The following THRB variants were observed in gnomAD, a reference collection of about 807,000 sequenced individuals.
The protein encoded by THRB is thyroid hormone receptor beta.
THRB carries 12 observed loss-of-function variants against 47.8 expected under a neutral mutation model. That is an observed-to-expected ratio of 0.25 (90% CI 0.16 to 0.41). THRB has a LOEUF of 0.41. Ranked by LOEUF, THRB falls within the 10% of genes least tolerant of loss-of-function variation. The pLI is 1.00. For synonymous variants in THRB, 218 were observed against 212.2 expected, an observed-to-expected ratio of 1.03 and a Z score of -0.24; for missense variants, 348 against 589.2, an observed-to-expected ratio of 0.59 and a Z score of 4.24.
At chr3:24,315,539 T>C (rs934469922) in intron 2 of THRB, among the ~76,000 whole-genome samples, 1 of 152,214 alleles carries the variant, frequency 6.6e-6, no homozygotes. Context: ...GGCTGCTCTC[T>C]CTGGCTCAGG....
intron 1 of THRB, among the ~76,000 whole-genome samples, chr3:24,454,532 G>A (rs2072983089): frequency 6.6e-6 from 1 of 152,178 alleles, no homozygotes; most frequent in Non-Finnish European, 1.5e-5. Context: ...CAATAAAGCT[G>A]TTTAAAAATA....
rs374684853 is a variant in THRB at position 24,315,006 on chromosome 3, C to T, written c.-188-17635G>A. On this transcript the variant is annotated intron_variant, in intron 2 of 10. Coordinates refer to ENST00000646209, the MANE Select transcript of THRB (RefSeq NM_001354712.2). ...CCCTCCTTCCTCTCCCTGCCCCCGA[C>T]GGAAAAGCTTGAAATTTAGGAATTA... 1.3e-4 allele frequency among the ~76,000 whole-genome samples: 20 copies of T among 152,254 alleles called. No homozygotes were observed. In the South Asian group the frequency reaches 1.9e-3, roughly 14 times the overall value.
intron 1 of THRB, among the ~76,000 whole-genome samples, chr3:24,444,442 T>C (rs2071861488): frequency 6.6e-6 from 1 of 152,138 alleles, no homozygotes; most frequent in Admixed American, 6.5e-5. Context: ...TACCTAGGAA[T>C]AACCTTAAAA....
intron 1 of THRB, among the ~76,000 whole-genome samples, chr3:24,455,769 C>T (rs543359584): frequency 6.6e-6 from 1 of 152,130 alleles, no homozygotes; most frequent in East Asian, 1.9e-4. Context: ...TATTATAAGA[C>T]TCAATGACAT....
At chr3:24,231,096 TTGGATG>T (rs2048215671) in intron 3 of THRB, among the ~76,000 whole-genome samples, 1 of 152,192 alleles carries the variant, frequency 6.6e-6, no homozygotes, top group Non-Finnish European at 1.5e-5. Context: ...CAGCCCTTCC[TTGGATG>T]CCCTCAGTAA....
At chr3:24,166,303 T>C (rs1169634553) in intron 5 of THRB, among the ~76,000 whole-genome samples, 3 of 152,224 alleles carry the variant, frequency 2.0e-5, no homozygotes, top group Non-Finnish European at 2.9e-5. Flanking sequence ...ACCCCTATTA[T>C]ATAGCAGCTT....
chr3:24,262,570 T>C (rs1408725033), intron 3 of THRB, among the ~76,000 whole-genome samples: 1 of 152,174 alleles, frequency 6.6e-6, no homozygotes, highest in Non-Finnish European at 1.5e-5. Flanking sequence ...ATATCAAGGG[T>C]TGCTCTCACC....
rs182542523 is a variant in THRB, at chr3:24,468,390, T to A, written c.-261+26262A>T. On this transcript the variant is annotated intron_variant, in intron 1 of 10. Transcript: ENST00000646209. ...TCCTTTGCATGTACAATTTGGCTGT[T>A]TGGCACAGGAGGCCTAGCTTTTGAC... Among the ~76,000 whole-genome samples the A allele has an allele frequency of 3.5e-3, 530 of 152,368 alleles. 9 individuals are homozygous for A. Among genetic ancestry groups the A allele is most frequent in the Non-Finnish European group, 5.9e-4 (40 of 68,034 alleles).
intron 1 of THRB, among the ~76,000 whole-genome samples, chr3:24,340,400 TTCTCTCTC>T (rs145048631): frequency 6.7e-6 from 1 of 148,594 alleles, no homozygotes. Context: ...CCACCTTCTT[TTCTCTCTC>T]TCTCTCTCTC....
At chr3:24,267,377 A>AC (rs2052768827) in intron 3 of THRB, among the ~76,000 whole-genome samples, 1 of 152,114 alleles carries the variant, frequency 6.6e-6, no homozygotes, top group African/African-American at 2.4e-5. Flanking sequence ...CCTGAAAAAA[A>AC]AAAAAGACTT....
chr3:24,327,204 G>A (rs1177618533), intron 2 of THRB, among the ~76,000 whole-genome samples: 1 of 152,166 alleles, frequency 6.6e-6, no homozygotes, highest in East Asian at 1.9e-4. Context: ...TTTTGTGAGA[G>A]AGATGAACAT....
At chr3:24,399,130 T>C in intron 1 of THRB, among the ~76,000 whole-genome samples, 2 of 151,146 alleles carry the variant, frequency 1.3e-5, no homozygotes, top group Non-Finnish European at 2.9e-5. Context: ...CTCATGTAAA[T>C]GATGAGTTAA....
At chr3:24,339,037 G>A (rs1204136030) in intron 1 of THRB, among the ~76,000 whole-genome samples, 2 of 152,140 alleles carry the variant, frequency 1.3e-5, no homozygotes, top group Non-Finnish European at 2.9e-5. Flanking sequence ...AGCCAGGAAG[G>A]CTTGTGTTTG....
At chr3:24,210,442 G>A (rs1206423630) in intron 4 of THRB, among the ~76,000 whole-genome samples, 2 of 151,390 alleles carry the variant, frequency 1.3e-5, no homozygotes, top group African/African-American at 4.9e-5. Flanking sequence ...GGGCATAGCT[G>A]GCAATATCTG....
intron 5 of THRB, among the ~76,000 whole-genome samples, chr3:24,157,966 G>C (rs1214926032): frequency 2.6e-5 from 4 of 152,180 alleles, no homozygotes; most frequent in Admixed American, 6.5e-5. Flanking sequence ...TCTACAATTA[G>C]AGGGAAAACA....
rs144289925 is a variant in THRB, at chr3:24,154,626, G to A, written c.284-2136C>T. Among the ~76,000 whole-genome samples, 169 of 152,292 alleles carry A rather than the reference G, an allele frequency of 1.1e-3. 1 individual carries two copies. The highest frequency in any genetic ancestry group is 1.1e-3 in the Non-Finnish European group (76 of 68,018). ...CACAGTCACAAGTGTTGGTAAGGAGGTGTGCTCATGTGCTTTTGTGTGCAT... is the reference window on the plus strand; with the variant it reads ...CACAGTCACAAGTGTTGGTAAGGAGATGTGCTCATGTGCTTTTGTGTGCAT... On this transcript the variant is annotated intron_variant, in intron 5 of 10. Transcript: ENST00000646209.
intron 3 of THRB, among the ~76,000 whole-genome samples, chr3:24,270,650 G>C (rs1297377326): frequency 6.6e-6 from 1 of 152,182 alleles, no homozygotes; most frequent in Non-Finnish European, 1.5e-5. Flanking sequence ...AGTTCATCAG[G>C]TCATGGAGAT....
intron 1 of THRB, among the ~76,000 whole-genome samples, chr3:24,438,435 T>C (rs1158732879): frequency 1.3e-5 from 2 of 152,122 alleles, no homozygotes; most frequent in Admixed American, 1.3e-4. Context: ...TGTTGCTAGA[T>C]ATGAGATGAC....
intron 2 of THRB, among the ~76,000 whole-genome samples, chr3:24,306,695 C>A (rs1319666180): frequency 1.3e-5 from 2 of 152,032 alleles, no homozygotes; most frequent in Non-Finnish European, 2.9e-5. Flanking sequence ...AGGCTTACAC[C>A]CTCTGCCTCC....
Sources: gnomAD v4.1 joint callset for allele counts (sites outside exome capture counted in the v4.1 genomes callset) on GRCh38, gnomAD v4.1.1 for gene constraint, MANE v1.5 for transcripts, NCBI Gene and HGNC (gene_info 2026-07-23, HGNC 2026-07-21) for gene names.